The following C13orf42 variants were observed in gnomAD, a reference collection of about 807,000 sequenced individuals.
The protein encoded by C13orf42 is uncharacterized protein C13orf42.
At chr13:51,106,578 C>T (rs1287950429) in intron 1 of C13orf42, among the ~76,000 whole-genome samples, 1 of 152,136 alleles carries the variant, frequency 6.6e-6, no homozygotes, top group East Asian at 1.9e-4. Context: ...CCCAGTTTTC[C>T]CCTTTATAGA....
At chr13:51,126,781 G>C (rs1953581034) in intron 1 of C13orf42, among the ~76,000 whole-genome samples, 1 of 152,228 alleles carries the variant, frequency 6.6e-6, no homozygotes, top group Non-Finnish European at 1.5e-5. Context: ...AGTTCTTTTT[G>C]ATGGACCAAG....
At chr13:51,151,672 A>G (rs1566140115) in intron 1 of C13orf42, among the ~76,000 whole-genome samples, 1 of 152,254 alleles carries the variant, frequency 6.6e-6, no homozygotes, top group East Asian at 1.9e-4. Context: ...AATTCTGCAC[A>G]TGCAGGTAAA....
chr13:51,093,924 G>C (rs539765314), intron 1 of C13orf42, among the ~76,000 whole-genome samples: 5 of 152,206 alleles, frequency 3.3e-5, no homozygotes, highest in African/African-American at 1.2e-4. Flanking sequence ...ACCCTAGAAA[G>C]TTTTCGAGGT....
At chr13:51,095,908 T>C (rs963989893) in intron 1 of C13orf42, among the ~76,000 whole-genome samples, 1 of 152,202 alleles carries the variant, frequency 6.6e-6, no homozygotes, top group Non-Finnish European at 1.5e-5. Context: ...TTCTTGCTTT[T>C]TCACATAATT....
chr13:51,126,488 C>T lies in C13orf42; in HGVS notation n.137-13266G>A, dbSNP rs571687892. Among the ~76,000 whole-genome samples, 14 of 152,222 alleles carry T rather than the reference C, an allele frequency of 9.2e-5. No homozygotes were observed. In the South Asian group the frequency reaches 2.5e-3, roughly 27 times the overall value. ...TTATTTCCTTGAAGTTAAAACATTCCAGAATTTACCTACAAATTTAAAAAG... is the reference window on the plus strand; with the variant it reads ...TTATTTCCTTGAAGTTAAAACATTCTAGAATTTACCTACAAATTTAAAAAG... On this transcript the variant is annotated intron_variant and non_coding_transcript_variant, in intron 1 of 4. Coordinates refer to the C13orf42 transcript ENST00000433280.
chr13:51,093,855 C>T (rs1013507275), intron 1 of C13orf42, among the ~76,000 whole-genome samples: 9 of 152,164 alleles, frequency 5.9e-5, no homozygotes, highest in African/African-American at 2.2e-4. Context: ...TCATCAACCA[C>T]ATAGTCTGTT....
intron 1 of C13orf42, among the ~76,000 whole-genome samples, chr13:51,110,151 C>T (rs969186405): frequency 6.6e-6 from 1 of 152,120 alleles, no homozygotes; most frequent in South Asian, 2.1e-4. Context: ...GTTTGGCTTG[C>T]GTGGGGCTAA....
At position 51,167,240 on chromosome 13, in the gene C13orf42, A is replaced by G. The variant is rs542444073; in HGVS notation, n.136+5013T>C. 2.6e-5 allele frequency among the ~76,000 whole-genome samples: 4 copies of G among 152,030 alleles called. No individual in the cohort carries two copies. In the South Asian group the frequency reaches 8.3e-4, roughly 32 times the overall value. ...CTCCAAAGGAAGCACAAACACATACAACACACACACACACTCAAACACTCT... is the reference window on the plus strand; with the variant it reads ...CTCCAAAGGAAGCACAAACACATACGACACACACACACACTCAAACACTCT... On this transcript the variant is annotated intron_variant and non_coding_transcript_variant, in intron 1 of 4. Coordinates refer to the C13orf42 transcript ENST00000433280.
At chr13:51,105,835 T>G (rs1953347866) in intron 1 of C13orf42, among the ~76,000 whole-genome samples, 1 of 152,208 alleles carries the variant, frequency 6.6e-6, no homozygotes, top group African/African-American at 2.4e-5. Context: ...CAAAAGATGC[T>G]GTAGATATAT....
At chr13:51,109,706 A>G (rs113835328) in intron 1 of C13orf42, among the ~76,000 whole-genome samples, 4,079 of 152,224 alleles carry the variant, frequency 0.027, 126 homozygotes, top group African/African-American at 0.072. Context: ...GTGAGCTATG[A>G]TCATGCCACT....
At chr13:51,144,694 G>T (rs1953721497) in intron 1 of C13orf42, among the ~76,000 whole-genome samples, 1 of 152,182 alleles carries the variant, frequency 6.6e-6, no homozygotes, top group Non-Finnish European at 1.5e-5. Flanking sequence ...GGTAAGTAAA[G>T]AATGTCACTT....
chr13:51,162,410 C>T (rs1953872929), intron 1 of C13orf42: 1 of 153,714 alleles, frequency 6.5e-6, no homozygotes, highest in African/African-American at 2.4e-5. Context: ...AAATTCTCCA[C>T]CTTGTCATAT....
At chr13:51,135,558 C>G (rs756600823) in intron 1 of C13orf42, among the ~76,000 whole-genome samples, 1 of 151,208 alleles carries the variant, frequency 6.6e-6, no homozygotes, top group African/African-American at 2.4e-5. Flanking sequence ...TAGACTGTAG[C>G]AAGAAGATTG....
intron 1 of C13orf42, among the ~76,000 whole-genome samples, chr13:51,094,378 G>C (rs543828562): frequency 3.3e-5 from 5 of 152,198 alleles, no homozygotes; most frequent in African/African-American, 1.2e-4. Context: ...ACTGATATTT[G>C]CAACTCAAAC....
At chr13:51,110,288 T>C (rs1247211285) in intron 1 of C13orf42, among the ~76,000 whole-genome samples, 1 of 152,226 alleles carries the variant, frequency 6.6e-6, no homozygotes. Flanking sequence ...GTCATCCAAA[T>C]GCCATGCAAG....
intron 1 of C13orf42, among the ~76,000 whole-genome samples, chr13:51,150,789 C>T (rs531412951): frequency 6.6e-6 from 1 of 152,328 alleles, no homozygotes; most frequent in South Asian, 2.1e-4. Context: ...ACTAGAGCTG[C>T]ATTAGCACTT....
intron 1 of C13orf42, among the ~76,000 whole-genome samples, chr13:51,143,425 G>A (rs1303115654): frequency 1.3e-5 from 2 of 151,552 alleles, no homozygotes; most frequent in Non-Finnish European, 2.9e-5. Context: ...AGATTAACAA[G>A]GTTTTCTTAA....
At chr13:51,119,682 TATATG>T in intron 1 of C13orf42, among the ~76,000 whole-genome samples, 1 of 152,282 alleles carries the variant, frequency 6.6e-6, no homozygotes, top group Middle Eastern at 3.4e-3. Flanking sequence ...TGATTTCACT[TATATG>T]AGGTGCCCAG....
chr13:51,128,633 A>G (rs1471259352), intron 1 of C13orf42, among the ~76,000 whole-genome samples: 7 of 152,228 alleles, frequency 4.6e-5, no homozygotes, highest in Non-Finnish European at 8.8e-5. Context: ...AGGGGGTTAG[A>G]GACCCCTCTC....
Sources: gnomAD v4.1 joint callset for allele counts (sites outside exome capture counted in the v4.1 genomes callset) on GRCh38, gnomAD v4.1.1 for gene constraint, MANE v1.5 for transcripts, NCBI Gene and HGNC (gene_info 2026-07-23, HGNC 2026-07-21) for gene names.